ENOX2: variants seen among roughly 807,000 people sequenced by gnomAD.
ENOX2 encodes ecto-NOX disulfide-thiol exchanger 2, also known as APK1 antigen.
In ENOX2, 36 loss-of-function variants were observed where a neutral mutation model predicts 45.0. The ratio of observed to expected loss-of-function variants is 0.80; its 90% CI spans 0.61 to 1.06. ENOX2 has a LOEUF of 1.06. Ranked by LOEUF, ENOX2 falls within the 50% of genes least tolerant of loss-of-function variation. The pLI is 0.00. For missense variants in ENOX2, 423 were observed against 462.5 expected (o/e 0.91, Z 0.78); for synonymous variants, 174 against 152.3 (o/e 1.14, Z -1.05).
chrX:130,825,732 G>C (rs1437120664), intron 2 of ENOX2, among the ~76,000 whole-genome samples: 1 of 111,034 alleles, frequency 9.0e-6, no homozygotes, highest in Non-Finnish European at 1.9e-5. Flanking sequence ...GCCTCATTCA[G>C]AGTAGCCATG....
At chrX:130,799,607 A>G (rs989873423) in intron 2 of ENOX2, among the ~76,000 whole-genome samples, 4 of 112,202 alleles carry the variant, frequency 3.6e-5, no homozygotes, top group African/African-American at 1.3e-4. Context: ...TCATAGGGTA[A>G]CCTTGGGTGA....
intron 3 of ENOX2, among the ~76,000 whole-genome samples, chrX:130,770,438 T>C (rs1057212690): frequency 9.0e-6 from 1 of 111,712 alleles, no homozygotes; most frequent in African/African-American, 3.3e-5. Context: ...GAAGTAACTT[T>C]ATAAAACAGA....
intron 2 of ENOX2, among the ~76,000 whole-genome samples, chrX:130,863,037 C>T (rs2078435405): frequency 8.9e-6 from 1 of 111,771 alleles, no homozygotes. Flanking sequence ...CTCCCATTAC[C>T]TCTAAGCCAA....
intron 2 of ENOX2, among the ~76,000 whole-genome samples, chrX:130,889,406 T>A (rs1004691746): frequency 1.7e-4 from 19 of 112,012 alleles, no homozygotes; most frequent in African/African-American, 5.2e-4. Context: ...GAAAGAAAAC[T>A]TTTTCTAATT....
intron 6 of ENOX2, among the ~76,000 whole-genome samples, chrX:130,674,615 T>G (rs1299670862): frequency 2.7e-5 from 3 of 111,915 alleles, no homozygotes; most frequent in African/African-American, 9.8e-5. Context: ...AATAAATATC[T>G]TTTTTTATTA....
At position 130,624,300 on chromosome X, in the gene ENOX2, T is replaced by C. The variant is rs1156375166; in HGVS notation, c.*1014A>G. ...TCACAAACCCTAGCTCATTATTTAT[T>C]CATTGATTCATTACTATTAATACTT... On this transcript the variant is annotated 3_prime_UTR_variant, in exon 15 of 15. Coordinates refer to ENST00000394363, the MANE Select transcript of ENOX2 (RefSeq NM_006375.4). 8.9e-6 allele frequency: 1 copy of C among 112,870 alleles called. No individual in the cohort carries two copies. The highest frequency in any genetic ancestry group is 3.2e-5 in the African/African-American group (1 of 31,012). 9.3% of individuals were successfully genotyped at this position (112,870 alleles called of 1,213,427 possible).
At chrX:130,639,325 G>GTT (rs2148037420) in intron 10 of ENOX2, among the ~76,000 whole-genome samples, 1 of 112,077 alleles carries the variant, frequency 8.9e-6, no homozygotes, top group South Asian at 3.7e-4. Flanking sequence ...GTGTGTGTGT[G>GTT]TGGGTGGGGG....
intron 10 of ENOX2, among the ~76,000 whole-genome samples, chrX:130,649,043 CAAAAAAAAA>C (rs35154919): frequency 3.2e-3 from 22 of 6,792 alleles, no homozygotes; most frequent in African/African-American, 6.2e-3. Context: ...GACTCCATAT[CAAAAAAAAA>C]AAAAAAAAAA....
intron 3 of ENOX2, among the ~76,000 whole-genome samples, chrX:130,711,007 T>C (rs1274718252): frequency 8.9e-6 from 1 of 111,969 alleles, no homozygotes; most frequent in East Asian, 2.8e-4. Flanking sequence ...ACTTCATTTC[T>C]GGCATATCAC....
chrX:130,625,557 C>T (rs1236557978), intron 14 of ENOX2, 112 bp from the exon 15 acceptor site: 46 of 758,881 alleles, frequency 6.1e-5, no homozygotes, highest in Non-Finnish European at 6.9e-5. Context: ...GCTGCAGGGG[C>T]GTTTAACCTC....
chrX:130,835,513 T>C (rs1485273328), intron 2 of ENOX2, among the ~76,000 whole-genome samples: 1 of 111,458 alleles, frequency 9.0e-6, no homozygotes, highest in Non-Finnish European at 1.9e-5. Context: ...ATAACATACA[T>C]ATCTGTCTAT....
intron 3 of ENOX2, among the ~76,000 whole-genome samples, chrX:130,720,851 A>G (rs2038455727): frequency 9.0e-6 from 1 of 111,448 alleles, no homozygotes; most frequent in African/African-American, 3.3e-5. Context: ...AGACCAAACA[A>G]GCCTCTACAG....
chrX:130,826,711 T>C (rs2077726216), intron 2 of ENOX2, among the ~76,000 whole-genome samples: 1 of 112,073 alleles, frequency 8.9e-6, no homozygotes, highest in Non-Finnish European at 1.9e-5. Flanking sequence ...TGTTAGTAGC[T>C]AGAGCTCAGT....
intron 2 of ENOX2, among the ~76,000 whole-genome samples, chrX:130,802,885 A>G (rs1225714912): frequency 8.9e-6 from 1 of 112,605 alleles, no homozygotes; most frequent in Non-Finnish European, 1.9e-5. Flanking sequence ...GATTAAGCTC[A>G]AAAAGTTAGT....
chrX:130,745,228 A>T (rs1244186043), intron 3 of ENOX2, among the ~76,000 whole-genome samples: 1 of 112,144 alleles, frequency 8.9e-6, no homozygotes, highest in Non-Finnish European at 1.9e-5. Flanking sequence ...AGAAAAGTTA[A>T]ACAGCAGTGC....
At chrX:130,760,307 C>T (rs1334650619) in intron 3 of ENOX2, among the ~76,000 whole-genome samples, 1 of 111,517 alleles carries the variant, frequency 9.0e-6, no homozygotes, top group Non-Finnish European at 1.9e-5. Context: ...TTTATTTCAT[C>T]TTCCCTCATT....
At chrX:130,814,398 G>A (rs1381428559) in intron 2 of ENOX2, among the ~76,000 whole-genome samples, 1 of 112,294 alleles carries the variant, frequency 8.9e-6, no homozygotes, top group African/African-American at 3.2e-5. Flanking sequence ...GCTCTGCTAA[G>A]AGACAGACTG....
chrX:130,806,989 T>C (rs1022881824), intron 2 of ENOX2, among the ~76,000 whole-genome samples: 1 of 112,212 alleles, frequency 8.9e-6, no homozygotes, highest in African/African-American at 3.2e-5. Flanking sequence ...CATATGGGTA[T>C]TCAATTAGCA....
At chrX:130,823,254 T>C (rs1442336623) in intron 2 of ENOX2, among the ~76,000 whole-genome samples, 3 of 111,695 alleles carry the variant, frequency 2.7e-5, no homozygotes, top group African/African-American at 9.8e-5. Flanking sequence ...ATGAAAAGTA[T>C]AGAAATGATT....
Sources: allele counts gnomAD v4.1 joint callset (sites outside exome capture counted in the v4.1 genomes callset), GRCh38; gene constraint gnomAD v4.1.1; transcripts MANE v1.5; gene names NCBI Gene and HGNC (gene_info 2026-07-23, HGNC 2026-07-21).